UHRF1: variants seen among roughly 807,000 people sequenced by gnomAD.
UHRF1 encodes the protein E3 ubiquitin-protein ligase UHRF1.
UHRF1 carries 9 observed loss-of-function variants against 96.5 expected under a neutral mutation model. The ratio of observed to expected loss-of-function variants is 0.09; its 90% CI spans 0.06 to 0.16. UHRF1 has a LOEUF of 0.16. UHRF1 is among the 10% of genes least tolerant of loss of function. The pLI is 1.00. For synonymous variants in UHRF1, 455 were observed against 469.9 expected, an observed-to-expected ratio of 0.97 and a Z score of 0.41; for missense variants, 626 against 1,131.1, an observed-to-expected ratio of 0.55 and a Z score of 6.40.
intron 2 of UHRF1, among the ~76,000 whole-genome samples, chr19:4,917,078 G>C (rs906148195): frequency 3.3e-5 from 5 of 151,596 alleles, no homozygotes; most frequent in Non-Finnish European, 7.4e-5. Flanking sequence ...GGTGGGGGGG[G>C]GGGGTGCAGT....
chr19:4,960,420 C>T (rs1020009946), intron 16 of UHRF1, among the ~76,000 whole-genome samples: 3 of 152,032 alleles, frequency 2.0e-5, no homozygotes, highest in East Asian at 1.9e-4. Context: ...GCCGGGGGAC[C>T]GAGCTGTTAA....
chr19:4,950,798 G>A, intron 12 of UHRF1, 25 bp downstream of exon 12: 1 of 1,613,820 alleles, frequency 6.2e-7, no homozygotes, highest in Non-Finnish European at 8.5e-7. Context: ...AGGAGGCCGG[G>A]GGCTCTGTCC....
intron 2 of UHRF1, among the ~76,000 whole-genome samples, chr19:4,922,749 C>T (rs1428047723): frequency 2.6e-5 from 4 of 152,212 alleles, no homozygotes; most frequent in African/African-American, 7.2e-5. Context: ...CCAGCCAGCT[C>T]GTGAGTTGTG....
At chr19:4,931,752 C>T (rs976366029) in intron 4 of UHRF1, among the ~76,000 whole-genome samples, 5 of 151,890 alleles carry the variant, frequency 3.3e-5, no homozygotes, top group Admixed American at 2.6e-4. Flanking sequence ...CAGGTGTGAG[C>T]CACTGTGCCC....
upstream of UHRF1, among the ~76,000 whole-genome samples, chr19:4,908,023 C>T (rs1568402474): frequency 2.6e-5 from 4 of 152,142 alleles, no homozygotes; most frequent in African/African-American, 7.2e-5. Flanking sequence ...TTGGCCTGAT[C>T]ATTGTAAAGC....
intron 13 of UHRF1, among the ~76,000 whole-genome samples, chr19:4,953,485 A>G (rs1258914336): frequency 2.0e-5 from 3 of 151,982 alleles, no homozygotes; most frequent in African/African-American, 7.3e-5. Flanking sequence ...TATTTTTGAG[A>G]CCAGGTCTCG....
chr19:4,912,577 C>T (rs1180559780), intron 2 of UHRF1, among the ~76,000 whole-genome samples: 1 of 152,154 alleles, frequency 6.6e-6, no homozygotes, highest in Non-Finnish European at 1.5e-5. Context: ...ATTTCACCAT[C>T]GGTATTCTGA....
chr19:4,954,693 G>A lies in UHRF1; in HGVS notation c.2001G>A (p.Lys667=), dbSNP rs778312912. 2.1e-5 allele frequency: 34 copies of A among 1,613,480 alleles called. 1 individual carries two copies. The highest frequency in any genetic ancestry group is 3.3e-4 in the Middle Eastern group (2 of 6,080). The change falls in exon 15 of 17, where the codon AAG becomes AAA. Residue 667 remains lysine, a synonymous_variant. Coordinates refer to ENST00000650932, the MANE Select transcript of UHRF1 (RefSeq NM_001048201.3). This position sits in a 1 kb window ranked among gnomAD's most constrained non-coding sequence, Gnocchi z 5.9. ...SRAGSPRRTS[K]KTKVEPYSLT... ...CCGGGTCCCCGCGCCGGACATCCAA[G>A]AAAACCAAGGTGGAGCCCTACAGTC...
intron 5 of UHRF1, among the ~76,000 whole-genome samples, chr19:4,934,566 A>G (rs2033161399): frequency 6.6e-6 from 1 of 152,168 alleles, no homozygotes; most frequent in African/African-American, 2.4e-5. Flanking sequence ...TGTCCTTTGC[A>G]TCTGTTCACT....
At chr19:4,937,671 GATTT>G (rs2033259673) in intron 5 of UHRF1, among the ~76,000 whole-genome samples, 1 of 152,102 alleles carries the variant, frequency 6.6e-6, no homozygotes, top group Admixed American at 6.6e-5. Flanking sequence ...GCCAGTTTAG[GATTT>G]ATTTGAGTAA....
At chr19:4,933,182 C>A (rs1324293261) in intron 5 of UHRF1, among the ~76,000 whole-genome samples, 1 of 152,226 alleles carries the variant, frequency 6.6e-6, no homozygotes, top group Non-Finnish European at 1.5e-5. Context: ...GGAACTGTCT[C>A]TGACCCCCAG....
chr19:4,925,292 T>A (rs2032833147), intron 2 of UHRF1, among the ~76,000 whole-genome samples: 1 of 152,120 alleles, frequency 6.6e-6, no homozygotes, highest in Non-Finnish European at 1.5e-5. Flanking sequence ...ACTGCTTCCT[T>A]TTTCTGCATC....
At chr19:4,956,914 T>C in intron 16 of UHRF1, 101 bp downstream of exon 16, 1 of 838,594 alleles carries the variant, frequency 1.2e-6, no homozygotes, top group South Asian at 1.5e-5. Context: ...GCTTGTTGGC[T>C]TTGCTCCGCT....
chr19:4,942,592 G>A (rs1019155863), intron 7 of UHRF1, among the ~76,000 whole-genome samples: 2 of 152,070 alleles, frequency 1.3e-5, no homozygotes, highest in Non-Finnish European at 2.9e-5. Context: ...GGGATTACAG[G>A]TGCCTGCCAC....
At position 4,929,272 on chromosome 19, in the gene UHRF1, C is replaced by T. The variant is rs775640532; in HGVS notation, c.204C>T (p.Thr68=). The T allele has an allele frequency of 1.7e-5, 28 of 1,613,834 alleles. No homozygotes were observed. The highest frequency in any genetic ancestry group is 2.3e-5 in the Non-Finnish European group (27 of 1,179,906). ...LFDYEVRLND[T]IQLLVRQSLV... Reference sequence around the variant, plus strand: ...ACTACGAGGTCCGCCTGAATGACACCATCCAGCTCCTGGTCCGCCAGAGCC... The same window carrying T: ...ACTACGAGGTCCGCCTGAATGACACTATCCAGCTCCTGGTCCGCCAGAGCC... Residue 68 remains threonine, a synonymous_variant, in exon 3 of 17, where the codon ACC becomes ACT. Transcript: ENST00000650932.
At chr19:4,908,203 A>G (rs1482726699), upstream of UHRF1, among the ~76,000 whole-genome samples, 5 of 152,172 alleles carry the variant, frequency 3.3e-5, no homozygotes, top group Non-Finnish European at 1.5e-5. Flanking sequence ...TTAGCTGTGT[A>G]AGGCACTGTA....
Position 4,956,790 on chromosome 19 carries a change from G to T in UHRF1, c.2212G>T (p.Val738Leu), listed in dbSNP as rs759664156. 5 of 1,609,350 alleles carry T rather than the reference G, an allele frequency of 3.1e-6. No homozygotes were observed. The change falls in exon 16 of 17, where the codon GTG becomes TTG. Residue 738 changes from valine to leucine, a missense_variant. Val to Leu is a conservative substitution (Grantham distance 32). Transcript: ENST00000650932. ...QELVFRPITT[V>L]CQHNVCKDCL... is the part of the protein sequence containing the mutation. ...GCTGGTGTTCCGGCCCATCACGACC[G>T]TGTGCCAGCACAACGTGTGCAAGGT...
At chr19:4,941,714 G>C (rs778146163) in intron 6 of UHRF1, 31 bp from the exon 7 acceptor site, 1 of 1,549,562 alleles carries the variant, frequency 6.5e-7, no homozygotes, top group East Asian at 2.4e-5. Flanking sequence ...GCCGGGCCCC[G>C]CCGGAGCTGA....
chr19:4,927,748 GC>G (rs2032919673), intron 2 of UHRF1, among the ~76,000 whole-genome samples: 1 of 152,056 alleles, frequency 6.6e-6, no homozygotes, highest in African/African-American at 2.4e-5. Context: ...CCTCTGCAGT[GC>G]CCAGCACGGC....
Sources: gnomAD v4.1 joint callset for allele counts (sites outside exome capture counted in the v4.1 genomes callset) on GRCh38, gnomAD v4.1.1 for gene constraint, Gnocchi (gnomAD v3.1) non-coding constraint, MANE v1.5 for transcripts, NCBI Gene and HGNC (gene_info 2026-07-23, HGNC 2026-07-21) for gene names.